Variants in LSS observed in about 807,000 individuals in gnomAD.
LSS encodes 2,3-epoxysqualene-lanosterol cyclase.
A neutral mutation model predicts 110.3 loss-of-function variants in LSS; 90 were observed. That is an observed-to-expected ratio of 0.82 (90% CI 0.69 to 0.97). The LOEUF (loss-of-function observed/expected upper bound fraction) is 0.97. LSS is among the 50% of genes least tolerant of loss of function. The probability of loss-of-function intolerance (pLI) is 0.00; values close to 1 mark genes in which losing one functional copy is unlikely to be tolerated. For missense variants in LSS, 927 were observed against 990.0 expected (o/e 0.94, Z 0.85); for synonymous variants, 433 against 400.0 (o/e 1.08, Z -0.98).
intron 17 of LSS, among the ~76,000 whole-genome samples, chr21:46,203,964 T>C (rs150048246): frequency 1.5e-4 from 23 of 152,286 alleles, no homozygotes; most frequent in African/African-American, 5.3e-4. Context: ...GAAAATCAAA[T>C]ATCTAAGTAT....
At chr21:46,210,622 T>G in intron 12 of LSS, 66 bp downstream of exon 12, 1 of 1,497,544 alleles carries the variant, frequency 6.7e-7, no homozygotes, top group Middle Eastern at 1.7e-4. Flanking sequence ...TGCCCTCAGG[T>G]GGATGCGTGG....
chr21:46,195,545 G>A (rs934597279), intron 19 of LSS, 131 bp downstream of exon 19: 1 of 863,462 alleles, frequency 1.2e-6, no homozygotes, highest in Non-Finnish European at 1.9e-6. Context: ...CCGGTTGACA[G>A]AGCGAGACTC....
chr21:46,221,710 C>T (rs1449039677), intron 5 of LSS, 144 bp downstream of exon 5: 15 of 1,220,464 alleles, frequency 1.2e-5, no homozygotes, highest in Non-Finnish European at 1.7e-5. Flanking sequence ...CAGTGTCTGC[C>T]TACTTCTGCT....
At position 46,189,848 on chromosome 21, in the gene LSS, G is replaced by A. The variant is rs2079782039; in HGVS notation, c.*1256C>T. The A allele has an allele frequency of 2.5e-6, 1 of 393,068 alleles. No individual in the cohort carries two copies. The highest frequency in any genetic ancestry group is 1.8e-5 in the South Asian group (1 of 55,494). 24.3% of individuals were successfully genotyped at this position (393,068 alleles called of 1,614,324 possible). A position where few individuals can be genotyped will look rare whatever the true frequency, so the allele number is the denominator to read the frequency against. ...CTCCCAGTAGCCAGGGGAGAGCAGT[G>A]ACAGTCTCAGGTGGCCCTGAGCATG... is the stretch of plus-strand genomic sequence containing the variant. On this transcript the variant is annotated 3_prime_UTR_variant, in exon 22 of 22. Transcript: ENST00000397728.
chr21:46,216,304 A>T lies in LSS; in HGVS notation c.783+85T>A, dbSNP rs2123744285. The T allele has an allele frequency of 6.4e-7, 1 of 1,551,870 alleles. No individual in the cohort carries two copies. The highest frequency in any genetic ancestry group is 1.7e-5 in the Admixed American group (1 of 59,404). On this transcript the variant is annotated intron_variant, in intron 7 of 21. Coordinates refer to ENST00000397728, the MANE Select transcript of LSS (RefSeq NM_002340.6). This position sits in a 1 kb window ranked among gnomAD's most constrained non-coding sequence, Gnocchi z 4.2. ...CTCCACAGGGCCACCAGGTGAGTGG[A>T]CAGGTGTGGTTAGATTCCAGAAGCC...
At chr21:46,214,800 C>A (rs867504979) in intron 9 of LSS, among the ~76,000 whole-genome samples, 7 of 152,116 alleles carry the variant, frequency 4.6e-5, no homozygotes, top group South Asian at 4.1e-4. Flanking sequence ...ATGTCTAAAC[C>A]CCACGGGAGA....
rs776028120 is a variant in LSS at position 46,207,477 on chromosome 21, T to TG, written c.1417dup (p.His473ProfsTer32). 65 of 1,612,468 alleles carry TG rather than the reference T, an allele frequency of 4.0e-5. No homozygotes were observed. Among genetic ancestry groups the TG allele is most frequent in the Non-Finnish European group, 5.4e-5 (64 of 1,179,626 alleles). On this transcript the variant is annotated frameshift_variant, in exon 15 of 22. Transcript: ENST00000397728. ...TTCTCTGGGGATGTGCTCGGTGACA[T>TG]GGGGACACTTCTCCTGCAGGAGCAG... is the stretch of plus-strand genomic sequence containing the variant.
rs764098604 is a variant in LSS, at chr21:46,194,592, C to A, written c.1887G>T (p.Trp629Cys). 1.3e-5 allele frequency: 21 copies of A among 1,613,690 alleles called. No homozygotes were observed. Among genetic ancestry groups the A allele is most frequent in the East Asian group, 2.2e-5 (1 of 44,898 alleles). Residue 629 changes from tryptophan to cysteine, a missense_variant, in exon 20 of 22, where the codon TGG becomes TGT. Trp to Cys is a radical substitution (Grantham distance 215). Transcript: ENST00000397728. ...CCTCGCAGGACTCAAAGTCCTCCCCCCAGCCTCCGTCTGCCATCTGCCGGG... is the reference window on the plus strand; with the variant it reads ...CCTCGCAGGACTCAAAGTCCTCCCCACAGCCTCCGTCTGCCATCTGCCGGG... ...LLSRQMADGG[W>C]GEDFESCEER... is the part of the protein sequence containing the mutation.
chr21:46,221,807 C>T lies in LSS; in HGVS notation c.550+47G>A, dbSNP rs747085762. On this transcript the variant is annotated intron_variant, in intron 5 of 21. Coordinates refer to ENST00000397728, the MANE Select transcript of LSS (RefSeq NM_002340.6). ...TATCGCGTTTGTGAGAGCTCATTAT[C>T]GAGTTGACACGAACCCCTGGCCCAG... 6.8e-6 allele frequency: 11 copies of T among 1,611,486 alleles called. No individual in the cohort carries two copies. The South Asian group carries it at 9.9e-5, about 15-fold the overall frequency.
chr21:46,195,684 G>C lies in LSS; in HGVS notation c.1809C>G (p.Tyr603Ter). ...GACAGGCACTCACTCACCCATCTCG[G>C]TAGGTCTGCCCCATACAGGCGAAGG... The part of the protein sequence containing the change: ...LEAFACMGQT[Y>*]RDGTACAEVS... The change falls in exon 19 of 22, where the codon TAC (tyrosine) becomes TAG (stop). Residue 603 changes from tyrosine to a stop codon, truncating the protein, a stop_gained. Transcript: ENST00000397728. LOFTEE classifies it high-confidence loss of function. 1 of 1,613,832 alleles carries C rather than the reference G, an allele frequency of 6.2e-7. No homozygotes were observed. The highest frequency in any genetic ancestry group is 8.5e-7 in the Non-Finnish European group (1 of 1,179,952).
intron 2 of LSS, 63 bp from the exon 3 acceptor site, chr21:46,227,753 A>G: frequency 6.3e-7 from 1 of 1,581,620 alleles, no homozygotes; most frequent in Non-Finnish European, 8.6e-7. Flanking sequence ...GGCCAGAGGA[A>G]CCCTCTTCAC....
chr21:46,191,519 G>A (rs946910137), intron 21 of LSS, among the ~76,000 whole-genome samples: 1 of 152,124 alleles, frequency 6.6e-6, no homozygotes, highest in Non-Finnish European at 1.5e-5. Context: ...AGGGGAGGGC[G>A]GTTGGCCTCA....
In LSS at chr21:46,191,075, C is replaced by T; in HGVS notation, c.*29G>A. On this transcript the variant is annotated 3_prime_UTR_variant, in exon 22 of 22. Coordinates refer to ENST00000397728, the MANE Select transcript of LSS (RefSeq NM_002340.6). Reference sequence around the variant, plus strand: ...GACCCCTTGGCCTCACTGGAACGCACAGACGGCACCCAGCAGGTAGGCATG... The same window carrying T: ...GACCCCTTGGCCTCACTGGAACGCATAGACGGCACCCAGCAGGTAGGCATG... The T allele has an allele frequency of 6.2e-7, 1 of 1,613,484 alleles. No homozygotes were observed. Among genetic ancestry groups the T allele is most frequent in the Admixed American group, 1.7e-5 (1 of 59,998 alleles).
chr21:46,207,389 C>G, intron 15 of LSS, 39 bp downstream of exon 15: 1 of 1,605,364 alleles, frequency 6.2e-7, no homozygotes, highest in Non-Finnish European at 8.5e-7. Context: ...ATCTGCAGGA[C>G]ACGAGGTATG....
rs1199831728 is a variant in LSS, at chr21:46,215,217, G to A, written c.974C>T (p.Ala325Val). The A allele has an allele frequency of 6.2e-7, 1 of 1,611,110 alleles. No individual in the cohort carries two copies. Among genetic ancestry groups the A allele is most frequent in the Non-Finnish European group, 8.5e-7 (1 of 1,179,904 alleles). The change falls in exon 9 of 22, where the codon GCC (alanine) becomes GTC (valine). Residue 325 changes from alanine (A) to valine (V), a missense_variant. Physicochemically the swap from Ala to Val is moderately conservative, Grantham distance 64. Coordinates refer to ENST00000397728, the MANE Select transcript of LSS (RefSeq NM_002340.6). ...GATGCTCTTGGTGAATCGGTCGTCGGCCACAATGTGTTCATACAGCTTCTG... is the reference window on the plus strand; with the variant it reads ...GATGCTCTTGGTGAATCGGTCGTCGACCACAATGTGTTCATACAGCTTCTG... ...AVQKLYEHIVADDRFTKSISI... is the reference protein window; with the variant it reads ...AVQKLYEHIVVDDRFTKSISI...
At chr21:46,225,887 G>A (rs956403880) in intron 3 of LSS, among the ~76,000 whole-genome samples, 5 of 152,134 alleles carry the variant, frequency 3.3e-5, no homozygotes, top group East Asian at 1.9e-4. Flanking sequence ...GGCCACTACC[G>A]GTTTCCACGT....
intron 17 of LSS, among the ~76,000 whole-genome samples, chr21:46,200,804 T>C (rs930533406): frequency 1.3e-5 from 2 of 152,034 alleles, no homozygotes; most frequent in African/African-American, 4.8e-5. Flanking sequence ...TGAGGGAAGA[T>C]TTTGCCATAA....
intron 2 of LSS, 111 bp from the exon 3 acceptor site, chr21:46,227,801 T>A: frequency 7.8e-7 from 1 of 1,280,878 alleles, no homozygotes; most frequent in Non-Finnish European, 1.1e-6. Flanking sequence ...TAAATTACTT[T>A]AAAAGTTTCA....
chr21:46,210,541 C>T (rs1313917141), intron 12 of LSS, 147 bp downstream of exon 12: 1 of 829,800 alleles, frequency 1.2e-6, no homozygotes, highest in Non-Finnish European at 1.9e-6. Flanking sequence ...CAGCACGACC[C>T]TCTGAAGCCA....
Sources: gnomAD v4.1 joint callset for allele counts (sites outside exome capture counted in the v4.1 genomes callset) on GRCh38, gnomAD v4.1.1 for gene constraint, Gnocchi (gnomAD v3.1) non-coding constraint, MANE v1.5 for transcripts, NCBI Gene and HGNC (gene_info 2026-07-23, HGNC 2026-07-21) for gene names.